BICD2: variants seen among roughly 807,000 people sequenced by gnomAD.
BICD2 encodes BICD cargo adaptor 2, also known as protein bicaudal D homolog 2.
Under a neutral mutation model 72.9 loss-of-function variants are expected in BICD2, and 25 were observed. The observed-to-expected ratio is 0.34, with a 90% CI of 0.25 to 0.48. BICD2 has a LOEUF of 0.48. Among genes scored for constraint, BICD2 ranks in the 20% least tolerant of loss-of-function variants. The pLI is 0.99. For synonymous variants in BICD2, 501 were observed against 516.1 expected (o/e 0.97, Z 0.40); for missense variants, 894 against 1,175.2 (o/e 0.76, Z 3.50).
At chr9:92,740,244 CA>C (rs1564068190) in intron 1 of BICD2, among the ~76,000 whole-genome samples, 1 of 151,974 alleles carries the variant, frequency 6.6e-6, no homozygotes, top group East Asian at 1.9e-4. Context: ...GACATCAGAG[CA>C]ATCTAAAAAA....
intron 1 of BICD2, among the ~76,000 whole-genome samples, chr9:92,763,737 A>C (rs1854420881): frequency 6.6e-6 from 1 of 152,296 alleles, no homozygotes; most frequent in East Asian, 1.9e-4. Context: ...CAGACCACTG[A>C]GGTCTCCGTC....
At chr9:92,763,503 C>T (rs974884506) in intron 1 of BICD2, among the ~76,000 whole-genome samples, 12 of 152,326 alleles carry the variant, frequency 7.9e-5, no homozygotes, top group African/African-American at 2.6e-4. Flanking sequence ...CTAAGACTCA[C>T]GGAGGGCCTC....
At chr9:92,739,620 T>C (rs1462309377) in intron 1 of BICD2, among the ~76,000 whole-genome samples, 2 of 152,096 alleles carry the variant, frequency 1.3e-5, no homozygotes, top group South Asian at 2.1e-4. Flanking sequence ...AGAGGGGTAA[T>C]AGGCAAAGAA....
chr9:92,755,130 C>CCCACCACCCA (rs1854228816), intron 1 of BICD2, among the ~76,000 whole-genome samples: 1 of 152,082 alleles, frequency 6.6e-6, no homozygotes, highest in African/African-American at 2.4e-5. Context: ...CTGAACTGGC[C>CCCACCACCCA]CCCCTGGGGC....
chr9:92,764,764 G>T lies in BICD2; in HGVS notation c.-20C>A. 6.6e-7 allele frequency: 1 copy of T among 1,518,274 alleles called. No individual in the cohort carries two copies. The highest frequency in any genetic ancestry group is 8.8e-7 in the Non-Finnish European group (1 of 1,141,082). 94.1% of individuals were successfully genotyped at this position (1,518,274 alleles called of 1,614,324 possible). On this transcript the variant is annotated 5_prime_UTR_variant, in exon 1 of 7. Coordinates refer to ENST00000356884, the MANE Select transcript of BICD2 (RefSeq NM_001003800.2). The surrounding 1 kb of genome is among the most constrained non-coding windows in gnomAD (Gnocchi z 5.5). ...CGACATGGTGGCCGAGGGCTGAGCCGGCTCCCACTGAGGCTCTCGCAGGCC... is the reference window on the plus strand; with the variant it reads ...CGACATGGTGGCCGAGGGCTGAGCCTGCTCCCACTGAGGCTCTCGCAGGCC...
intron 1 of BICD2, among the ~76,000 whole-genome samples, chr9:92,745,317 G>A (rs188133639): frequency 6.6e-6 from 1 of 152,258 alleles, no homozygotes; most frequent in East Asian, 1.9e-4. Context: ...ATAGTTGGGA[G>A]ATGGATGTGA....
At position 92,757,312 on chromosome 9, in the gene BICD2, C is replaced by CAAAAAAAAAAAA. The variant is rs1169381290; in HGVS notation, c.240+7181_240+7192dup. On this transcript the variant is annotated intron_variant, in intron 1 of 6. Coordinates refer to ENST00000356884, the MANE Select transcript of BICD2 (RefSeq NM_001003800.2). Reference sequence around the variant, plus strand: ...CTGGGCGACAGAACGAGACTGTCTCCAAAAAAAAAAAAAAAAAAAAAAAAA... The same window carrying CAAAAAAAAAAAA: ...CTGGGCGACAGAACGAGACTGTCTCCAAAAAAAAAAAAAAAAAAAAAAAAAAAAAAAAAAAAA... Among the ~76,000 whole-genome samples the CAAAAAAAAAAAA allele has an allele frequency of 1.3e-4, 7 of 52,734 alleles. 1 individual carries two copies. The highest frequency in any genetic ancestry group is 2.1e-4 in the Non-Finnish European group (6 of 28,058). 34.6% of individuals were successfully genotyped at this position (52,734 alleles called of 152,430 possible). A position where few individuals can be genotyped will look rare whatever the true frequency, so the allele number is the denominator to read the frequency against.
intron 1 of BICD2, among the ~76,000 whole-genome samples, chr9:92,755,895 C>T (rs1266629318): frequency 6.6e-6 from 1 of 152,212 alleles, no homozygotes; most frequent in Admixed American, 6.5e-5. Flanking sequence ...AATTGATCCA[C>T]CTCCAAGGGC....
rs746654103 is a variant in BICD2, at chr9:92,717,880, G to C, written c.2175C>G (p.Thr725=). ...TGAGCTCATTGCGCAGCTTCATCAT[G>C]GTCTCGGTAACCATGGCCTTCTCAT... ...YENEKAMVTE[T]MMKLRNELKA... The change falls in exon 6 of 7, where the codon ACC becomes ACG. Residue 725 remains threonine, a synonymous_variant. Coordinates refer to ENST00000356884, the MANE Select transcript of BICD2 (RefSeq NM_001003800.2). 7.4e-6 allele frequency: 12 copies of C among 1,613,420 alleles called. No individual in the cohort carries two copies. Among genetic ancestry groups the C allele is most frequent in the Admixed American group, 1.7e-5 (1 of 60,010 alleles).
chr9:92,761,796 G>A (rs1032614574), intron 1 of BICD2, among the ~76,000 whole-genome samples: 8 of 152,368 alleles, frequency 5.3e-5, no homozygotes, highest in South Asian at 2.1e-4. Context: ...CAGTGGGAAC[G>A]GGGACAGATA....
chr9:92,721,793 C>T (rs1030135004), intron 3 of BICD2, among the ~76,000 whole-genome samples: 3 of 152,248 alleles, frequency 2.0e-5, no homozygotes, highest in African/African-American at 7.2e-5. Context: ...GCGCTGGGCT[C>T]TGCCAACAGC....
Position 92,757,131 on chromosome 9 carries a change from T to C in BICD2, c.240+7374A>G, listed in dbSNP as rs866551569. Among the ~76,000 whole-genome samples the C allele has an allele frequency of 1.0e-3, 157 of 151,840 alleles. 3 individuals are homozygous for C. The Middle Eastern group carries it at 0.038, about 37-fold the overall frequency. ...GAATTCAAGACCAGCCCGGGCAACA[T>C]GGTGAAACCCCGCCTCTACTAAAAT... On this transcript the variant is annotated intron_variant, in intron 1 of 6. Transcript: ENST00000356884.
chr9:92,742,416 G>A (rs981576156), intron 1 of BICD2, among the ~76,000 whole-genome samples: 1 of 142,236 alleles, frequency 7.0e-6, no homozygotes, highest in African/African-American at 2.6e-5. Flanking sequence ...ATGGAGTCTC[G>A]CTCTGTTGCC....
intron 1 of BICD2, among the ~76,000 whole-genome samples, chr9:92,759,767 G>C (rs940283078): frequency 6.6e-6 from 1 of 152,226 alleles, no homozygotes; most frequent in African/African-American, 2.4e-5. Flanking sequence ...TACTGTCTGA[G>C]AAGAAACCAA....
chr9:92,764,813 T>C lies in BICD2; in HGVS notation c.-69A>G, dbSNP rs191031181. 218,558 of 1,182,882 alleles carry C rather than the reference T, an allele frequency of 0.18. 23,977 individuals carry two copies. The highest frequency in any genetic ancestry group is 0.63 in the East Asian group (15,107 of 23,912). 73.3% of individuals were successfully genotyped at this position (1,182,882 alleles called of 1,614,324 possible). A position where few individuals can be genotyped will look rare whatever the true frequency, so the allele number is the denominator to read the frequency against. ...CCGGGCCCTCCTCAGCCGCCGCCGC[T>C]GCCGCCGCCGCCGCCGCCCTGCCCC... On this transcript the variant is annotated 5_prime_UTR_variant, in exon 1 of 7. Coordinates refer to ENST00000356884, the MANE Select transcript of BICD2 (RefSeq NM_001003800.2). The surrounding 1 kb of genome is among the most constrained non-coding windows in gnomAD (Gnocchi z 5.5).
chr9:92,745,797 G>A (rs1853999872), intron 1 of BICD2, among the ~76,000 whole-genome samples: 1 of 152,242 alleles, frequency 6.6e-6, no homozygotes, highest in Admixed American at 6.5e-5. Context: ...GGTCTGAAGA[G>A]AAAGCAAGAA....
At chr9:92,722,344 G>A (rs1437151921) in intron 3 of BICD2, among the ~76,000 whole-genome samples, 1 of 152,214 alleles carries the variant, frequency 6.6e-6, no homozygotes, top group Non-Finnish European at 1.5e-5. Context: ...TGATGGGGGA[G>A]TCTCAAAGTC....
At chr9:92,728,381 A>G (rs565566461) in intron 2 of BICD2, among the ~76,000 whole-genome samples, 7 of 152,288 alleles carry the variant, frequency 4.6e-5, no homozygotes, top group Admixed American at 1.3e-4. Flanking sequence ...TCCCATTTCC[A>G]GATGTAGAGC....
intron 1 of BICD2, among the ~76,000 whole-genome samples, chr9:92,748,413 G>A (rs1418050665): frequency 6.6e-6 from 1 of 152,206 alleles, no homozygotes; most frequent in African/African-American, 2.4e-5. Context: ...AAACACTCCT[G>A]AGACTGATTT....
Sources: gnomAD v4.1 joint callset for allele counts (sites outside exome capture counted in the v4.1 genomes callset) on GRCh38, gnomAD v4.1.1 for gene constraint, Gnocchi (gnomAD v3.1) non-coding constraint, MANE v1.5 for transcripts, NCBI Gene and HGNC (gene_info 2026-07-23, HGNC 2026-07-21) for gene names.